The following NID1 variants were observed in gnomAD, a reference collection of about 807,000 sequenced individuals.
NID1 encodes nidogen-1.
NID1 carries 76 observed loss-of-function variants against 130.6 expected under a neutral mutation model. That is an observed-to-expected ratio of 0.58 (90% confidence interval 0.48 to 0.70). NID1 has a LOEUF of 0.70. NID1 is among the 30% of genes least tolerant of loss of function. The pLI, the probability that NID1 is intolerant of heterozygous loss-of-function variation, is 0.00. For synonymous variants in NID1, 665 were observed against 675.1 expected (o/e 0.98, Z 0.23); for missense variants, 1,517 against 1,664.8 (o/e 0.91, Z 1.54).
rs1294918590 is a variant in NID1, at chr1:235,993,258, T to A, written c.2755+387A>T. 2.0e-5 allele frequency among the ~76,000 whole-genome samples: 3 copies of A among 152,220 alleles called. No homozygotes were observed. The East Asian group carries it at 5.8e-4, about 29-fold the overall frequency. On this transcript the variant is annotated intron_variant, in intron 13 of 19. Transcript: ENST00000264187. ...AGGTTGGTCCCCACCATCCCTGCCATGTCCCAGTGCAGGAACATTCCACCT... is the reference window on the plus strand; with the variant it reads ...AGGTTGGTCCCCACCATCCCTGCCAAGTCCCAGTGCAGGAACATTCCACCT...
intron 14 of NID1, among the ~76,000 whole-genome samples, chr1:235,988,229 G>T (rs1657626226): frequency 6.6e-6 from 1 of 152,112 alleles, no homozygotes; most frequent in African/African-American, 2.4e-5. Flanking sequence ...TAGGCAAAAG[G>T]ATTTAAGTAG....
At chr1:235,988,791 C>T (rs1486373608) in intron 14 of NID1, among the ~76,000 whole-genome samples, 1 of 152,110 alleles carries the variant, frequency 6.6e-6, no homozygotes, top group African/African-American at 2.4e-5. Context: ...TATGATTCTG[C>T]TTCTAGGAGG....
At chr1:236,040,533 T>C (rs748196551) in intron 4 of NID1, among the ~76,000 whole-genome samples, 1 of 152,092 alleles carries the variant, frequency 6.6e-6, no homozygotes, top group Non-Finnish European at 1.5e-5. Context: ...CATTCCTTAG[T>C]AGAAAAGCAG....
intron 5 of NID1, among the ~76,000 whole-genome samples, chr1:236,034,661 A>G (rs945067926): frequency 3.3e-5 from 5 of 152,166 alleles, no homozygotes; most frequent in Admixed American, 6.5e-5. Flanking sequence ...AAGAGTGACT[A>G]CTAATGGACA....
chr1:235,983,050 T>A (rs1295857703), intron 15 of NID1, among the ~76,000 whole-genome samples: 2 of 152,170 alleles, frequency 1.3e-5, no homozygotes, highest in South Asian at 2.1e-4. Flanking sequence ...AATTTTTGTA[T>A]TTTTAGTAGA....
chr1:235,984,378 G>T (rs370499491), intron 15 of NID1, among the ~76,000 whole-genome samples: 1 of 152,056 alleles, frequency 6.6e-6, no homozygotes, highest in South Asian at 2.1e-4. Context: ...CATTCCTGCC[G>T]CATCATCTTT....
At chr1:236,035,883 C>T (rs890663148) in intron 5 of NID1, among the ~76,000 whole-genome samples, 6 of 152,152 alleles carry the variant, frequency 3.9e-5, no homozygotes, top group Non-Finnish European at 7.3e-5. Context: ...GGAAAACAAG[C>T]AAGAAGGCCA....
chr1:236,010,964 C>A (rs1374000931), intron 12 of NID1, among the ~76,000 whole-genome samples: 3 of 152,142 alleles, frequency 2.0e-5, no homozygotes, highest in Non-Finnish European at 4.4e-5. Context: ...TCATTTATTT[C>A]TTCAACAGCT....
intron 14 of NID1, among the ~76,000 whole-genome samples, chr1:235,986,313 A>G (rs1052976902): frequency 4.6e-5 from 7 of 152,180 alleles, no homozygotes; most frequent in African/African-American, 1.7e-4. Context: ...TGGGGAATCT[A>G]TAAAACTGCT....
intron 4 of NID1, among the ~76,000 whole-genome samples, chr1:236,041,197 A>C (rs920554349): frequency 1.1e-4 from 17 of 152,016 alleles, no homozygotes; most frequent in Non-Finnish European, 2.4e-4. Flanking sequence ...CCTCCCAAGT[A>C]GCTAGGACTA....
At chr1:236,037,494 T>C (rs981528625) in intron 5 of NID1, among the ~76,000 whole-genome samples, 2 of 151,986 alleles carry the variant, frequency 1.3e-5, no homozygotes, top group African/African-American at 2.4e-5. Context: ...CCCATCTCTA[T>C]GAAAAATACA....
intron 4 of NID1, 23 bp downstream of exon 4, chr1:236,041,887 A>C: frequency 6.3e-7 from 1 of 1,584,222 alleles, no homozygotes; most frequent in Non-Finnish European, 8.6e-7. Flanking sequence ...GATCGTTACC[A>C]ACTGCAACTT....
rs1041762501 is a variant in NID1, at chr1:236,040,334, C to T, written c.1135+1576G>A. Among the ~76,000 whole-genome samples the T allele has an allele frequency of 7.9e-5, 12 of 152,174 alleles. 1 individual carries two copies. The East Asian group carries it at 2.3e-3, about 29-fold the overall frequency. Reference sequence around the variant, plus strand: ...TTGTCCTGCCACCAAATGGCAGCTTCTCCATTTCCGTGCCTCAGAAGTAAG... The same window carrying T: ...TTGTCCTGCCACCAAATGGCAGCTTTTCCATTTCCGTGCCTCAGAAGTAAG... On this transcript the variant is annotated intron_variant, in intron 4 of 19. Coordinates refer to ENST00000264187, the MANE Select transcript of NID1 (RefSeq NM_002508.3).
At chr1:236,049,856 G>A (rs934628960) in intron 1 of NID1, among the ~76,000 whole-genome samples, 1 of 151,592 alleles carries the variant, frequency 6.6e-6, no homozygotes, top group African/African-American at 2.4e-5. Context: ...TGGCCAACAT[G>A]GTGAAACACC....
intron 19 of NID1, 110 bp downstream of exon 19, chr1:235,978,885 C>G (rs1243202821): frequency 9.6e-6 from 7 of 730,090 alleles, no homozygotes; most frequent in Admixed American, 2.2e-5. Context: ...CTGGATCTCT[C>G]TTACGGCATA....
chr1:236,025,723 A>C (rs1181966087), intron 8 of NID1, among the ~76,000 whole-genome samples, 173 bp downstream of exon 8: 1 of 152,246 alleles, frequency 6.6e-6, no homozygotes, highest in East Asian at 1.9e-4. Context: ...AAGAACAGAC[A>C]GGCAGCTTTT....
chr1:236,042,526 C>T (rs1013827152), intron 3 of NID1, among the ~76,000 whole-genome samples: 6 of 152,180 alleles, frequency 3.9e-5, no homozygotes, highest in Admixed American at 1.3e-4. Context: ...CAAGCTCAGT[C>T]CCAGCCATTC....
chr1:236,001,406 G>A (rs1397729128), intron 12 of NID1, among the ~76,000 whole-genome samples: 1 of 152,094 alleles, frequency 6.6e-6, no homozygotes, highest in Non-Finnish European at 1.5e-5. Context: ...CGCCCAGCCT[G>A]GCTTTGAGAT....
chr1:236,032,645 G>A lies in NID1; in HGVS notation c.1293C>T (p.Pro431=). The A allele has an allele frequency of 1.2e-6, 2 of 1,614,048 alleles. No individual in the cohort carries two copies. The highest frequency in any genetic ancestry group is 1.7e-6 in the Non-Finnish European group (2 of 1,180,004). The part of the protein sequence containing the change: ...NGRQCVAEGS[P]QRVNGKVKGR... ...CTTTCACCTTGCCATTGACTCGCTGGGGGGAACCTGAGCAAGAAAACAAAG... is the reference window on the plus strand; with the variant it reads ...CTTTCACCTTGCCATTGACTCGCTGAGGGGAACCTGAGCAAGAAAACAAAG... The change falls in exon 6 of 20, where the codon CCC becomes CCT. Residue 431 remains proline (P), a synonymous_variant. Transcript: ENST00000264187.
Sources: gnomAD v4.1 joint callset for allele counts (sites outside exome capture counted in the v4.1 genomes callset) on GRCh38, gnomAD v4.1.1 for gene constraint, MANE v1.5 for transcripts, NCBI Gene and HGNC (gene_info 2026-07-23, HGNC 2026-07-21) for gene names.